PCGF1: variants seen among roughly 807,000 people sequenced by gnomAD.
The protein encoded by PCGF1 is polycomb group RING finger protein 1.
Under a neutral mutation model 38.8 loss-of-function variants are expected in PCGF1, and 10 were observed. That is an observed-to-expected ratio of 0.26 (90% CI 0.16 to 0.44). The LOEUF is 0.44. PCGF1 is among the 20% of genes least tolerant of loss of function. The pLI is 1.00. For missense variants in PCGF1, 230 were observed against 331.5 expected (o/e 0.69, Z 2.38); for synonymous variants, 119 against 121.3 (o/e 0.98, Z 0.12).
chr2:74,507,485 A>AT (rs1674669459), intron 1 of PCGF1, 91 bp downstream of exon 1: 1 of 1,519,844 alleles, frequency 6.6e-7, no homozygotes, highest in Admixed American at 2.0e-5. Context: ...GCGCAGGCGC[A>AT]CTGGGCGCCC....
In PCGF1 at chr2:74,507,142, C is replaced by T; in HGVS notation, c.99G>A (p.Glu33=). Reference sequence around the variant, plus strand: ...TCAAGTCTTTGATCTTCACTCGAACCTCCTCCTGAAGATACACCCTCCGTC... The same window carrying T: ...TCAAGTCTTTGATCTTCACTCGAACTTCCTCCTGAAGATACACCCTCCGTC... The part of the protein sequence containing the change: ...YKMDPLRNEE[E]VRVKIKDLNE... Residue 33 remains glutamate, a synonymous_variant, in exon 2 of 9, where the codon GAG becomes GAA. Coordinates refer to ENST00000233630, the MANE Select transcript of PCGF1 (RefSeq NM_032673.3). 1 of 1,613,988 alleles carries T rather than the reference C, an allele frequency of 6.2e-7. No individual in the cohort carries two copies. The highest frequency in any genetic ancestry group is 8.5e-7 in the Non-Finnish European group (1 of 1,179,844).
intron 1 of PCGF1, 142 bp downstream of exon 1, chr2:74,507,434 C>A: frequency 1.4e-6 from 2 of 1,465,792 alleles, no homozygotes; most frequent in Non-Finnish European, 1.8e-6. Context: ...AGTTTGGCAA[C>A]CCGATCGCAA....
Position 74,506,252 on chromosome 2 carries a change from C to A in PCGF1, c.353G>T (p.Ser118Ile). 1 of 1,613,928 alleles carries A rather than the reference C, an allele frequency of 6.2e-7. No homozygotes were observed. Residue 118 changes from serine to isoleucine, a missense_variant and splice_region_variant, in exon 4 of 9, where the codon AGT becomes ATT. By Grantham distance (142) the Ser-to-Ile change is moderately radical (BLOSUM62 -2). Transcript: ENST00000233630. ...VYKLVPGLQD[S>I]EEKRIREFYQ... ...GAATTCCCGAATCCGTTTCTCTTCA[C>A]CTAGAAGAAGGTGAAGTATGAGAAT...
intron 1 of PCGF1, 181 bp downstream of exon 1, chr2:74,507,395 G>T: frequency 6.9e-7 from 1 of 1,454,062 alleles, no homozygotes; most frequent in Non-Finnish European, 9.0e-7. Flanking sequence ...CACAACGTCG[G>T]CGACACAACG....
Position 74,505,312 on chromosome 2 carries a change from G to C in PCGF1, c.732+27C>G, listed in dbSNP as rs142233300. 2.3e-5 allele frequency: 36 copies of C among 1,595,638 alleles called. No homozygotes were observed. In the African/African-American group the frequency reaches 4.3e-4, roughly 19 times the overall value. ...GTTGGGGGGAGTCTGAAGGGGGTGT[G>C]ATCCCAGGGAGGGTGGCCTGGCTTA... On this transcript the variant is annotated intron_variant, in intron 8 of 8. Transcript: ENST00000233630.
chr2:74,506,071 G>A lies in PCGF1; in HGVS notation c.425-14C>T, dbSNP rs1558595260. 1 of 1,613,906 alleles carries A rather than the reference G, an allele frequency of 6.2e-7. No individual in the cohort carries two copies. The highest frequency in any genetic ancestry group is 2.2e-5 in the East Asian group (1 of 44,890). Reference sequence around the variant, plus strand: ...TCAGTGCTGGCTCTGAGAAAGATAGGGTAGTGAGGTGGCTGGTGGCACACA... The same window carrying A: ...TCAGTGCTGGCTCTGAGAAAGATAGAGTAGTGAGGTGGCTGGTGGCACACA... On this transcript the variant is annotated splice_polypyrimidine_tract_variant and intron_variant, in intron 4 of 8. Transcript: ENST00000233630.
In PCGF1 at chr2:74,507,028, T is replaced by C. The variant is rs769282648; in HGVS notation, c.199+14A>G. ...TAGGGACTGGAAGAACTAGGCAGTC[T>C]CCAAGGCACTCACAAGTATGAAGAC... On this transcript the variant is annotated intron_variant, in intron 2 of 8. Coordinates refer to ENST00000233630, the MANE Select transcript of PCGF1 (RefSeq NM_032673.3). The C allele has an allele frequency of 1.2e-6, 2 of 1,612,222 alleles. No homozygotes were observed. Among genetic ancestry groups the C allele is most frequent in the Non-Finnish European group, 1.7e-6 (2 of 1,178,278 alleles).
At position 74,505,603 on chromosome 2, in the gene PCGF1, T is replaced by C. The variant is rs750605286; in HGVS notation, c.600A>G (p.Val200=). ...KYVRCSVRAE[V]RHLRRVLCHR... is the part of the protein sequence containing the mutation. Reference sequence around the variant, plus strand: ...GACACAGGACCCTCCGGAGATGGCGTACCTCAGCTCTAACAGAACATCGGA... The same window carrying C: ...GACACAGGACCCTCCGGAGATGGCGCACCTCAGCTCTAACAGAACATCGGA... The change falls in exon 7 of 9, where the codon GTA becomes GTG. Residue 200 remains valine, a synonymous_variant. Coordinates refer to ENST00000233630, the MANE Select transcript of PCGF1 (RefSeq NM_032673.3). 2.5e-6 allele frequency: 4 copies of C among 1,614,064 alleles called. No homozygotes were observed. The highest frequency in any genetic ancestry group is 3.4e-6 in the Non-Finnish European group (4 of 1,179,994).
chr2:74,506,977 AAGCTGGCAGTC>A, intron 2 of PCGF1, 54 bp downstream of exon 2: 5 of 1,603,966 alleles, frequency 3.1e-6, no homozygotes, highest in Non-Finnish European at 4.3e-6. Context: ...GGCCGCACAG[AAGCTGGCAGTC>A]AGCTTGGTGA....
At chr2:74,507,514 C>G (rs1674670663) in intron 1 of PCGF1, 62 bp downstream of exon 1, 6 of 1,541,894 alleles carry the variant, frequency 3.9e-6, no homozygotes, top group Non-Finnish European at 5.2e-6. Flanking sequence ...ACCGCCCGTC[C>G]TTTAGCCCGC....
At position 74,507,130 on chromosome 2, in the gene PCGF1, C is replaced by T; in HGVS notation, c.111G>A (p.Lys37=). 6.2e-7 allele frequency: 1 copy of T among 1,614,230 alleles called. No individual in the cohort carries two copies. Among genetic ancestry groups the T allele is most frequent in the South Asian group, 1.1e-5 (1 of 91,088 alleles). ...PLRNEEEVRV[K]IKDLNEHIVC... ...CAATGTGTTCATTCAAGTCTTTGAT[C>T]TTCACTCGAACCTCCTCCTGAAGAT... The change falls in exon 2 of 9, where the codon AAG becomes AAA. Residue 37 remains lysine (K), a synonymous_variant. Coordinates refer to ENST00000233630, the MANE Select transcript of PCGF1 (RefSeq NM_032673.3).
intron 3 of PCGF1, 22 bp downstream of exon 3, chr2:74,506,710 C>A (rs373985062): frequency 6.2e-7 from 1 of 1,612,868 alleles, no homozygotes; most frequent in Non-Finnish European, 8.5e-7. Flanking sequence ...AGAGGCCCCT[C>A]AAAGTCAGGT....
In PCGF1 at chr2:74,506,040, G is replaced by C; in HGVS notation, c.442C>G (p.Leu148Val). The change falls in exon 5 of 9, where the codon CTC becomes GTC. Residue 148 changes from leucine (L) to valine (V), a missense_variant. By Grantham distance (32) the Leu-to-Val change is conservative. This residue lies in a region of PCGF1 where 144 missense variants were observed against 182.4 expected (regional missense o/e 0.79). Coordinates refer to ENST00000233630, the MANE Select transcript of PCGF1 (RefSeq NM_032673.3). ...PTGEEPALSN[L>V]GLPFSSFDHS... Reference sequence around the variant, plus strand: ...TCAAAGCTGCTGAAGGGGAGGCCGAGGTTGCTCAGTGCTGGCTCTGAGAAA... The same window carrying C: ...TCAAAGCTGCTGAAGGGGAGGCCGACGTTGCTCAGTGCTGGCTCTGAGAAA... 1 of 1,614,202 alleles carries C rather than the reference G, an allele frequency of 6.2e-7. No individual in the cohort carries two copies. The highest frequency in any genetic ancestry group is 8.5e-7 in the Non-Finnish European group (1 of 1,180,030).
At chr2:74,505,905 G>A (rs745541752) in intron 5 of PCGF1, 47 bp downstream of exon 5, 80 of 1,606,610 alleles carry the variant, frequency 5.0e-5, no homozygotes, top group Non-Finnish European at 6.7e-5. Context: ...CCCTGGCTCT[G>A]GGTCATTGGC....
Position 74,506,618 on chromosome 2 carries a change from C to T in PCGF1, c.352+114G>A, listed in dbSNP as rs557045030. 1.4e-5 allele frequency: 16 copies of T among 1,184,624 alleles called. No individual in the cohort carries two copies. In the African/African-American group the frequency reaches 1.8e-4, roughly 14 times the overall value. 73.4% of individuals were successfully genotyped at this position (1,184,624 alleles called of 1,614,324 possible). A position where few individuals can be genotyped will look rare whatever the true frequency, so the allele number is the denominator to read the frequency against. ...GTATTAGCCCTTCCTCACTTTTTGT[C>T]CTTCCCTCATCTTTGGCCTTCTGCC... On this transcript the variant is annotated intron_variant, in intron 3 of 8. Coordinates refer to ENST00000233630, the MANE Select transcript of PCGF1 (RefSeq NM_032673.3).
At position 74,505,182 on chromosome 2, in the gene PCGF1, A is replaced by G; in HGVS notation, c.741T>C (p.Pro247=). ...WLSRWFGKPS[P]LLLQYSVKEK... ...CTTTCACACTGTATTGTAAAAGCAA[A>G]GGGGATGGCTAAGGAGAGAATGAGG... Residue 247 remains proline, a synonymous_variant, in exon 9 of 9, where the codon CCT becomes CCC. Transcript: ENST00000233630. The G allele has an allele frequency of 6.4e-7, 1 of 1,551,078 alleles. No homozygotes were observed. Among genetic ancestry groups the G allele is most frequent in the Non-Finnish European group, 8.7e-7 (1 of 1,148,576 alleles).
chr2:74,505,922 ACCT>A (rs1356375339), intron 5 of PCGF1, 27 bp downstream of exon 5: 2 of 1,611,038 alleles, frequency 1.2e-6, no homozygotes, highest in Admixed American at 1.7e-5. Context: ...TGGCACTGTC[ACCT>A]CCTGCAACCC....
At chr2:74,505,452 C>G in intron 7 of PCGF1, 33 bp from the exon 8 acceptor site, 1 of 1,606,806 alleles carries the variant, frequency 6.2e-7, no homozygotes, top group Non-Finnish European at 8.5e-7. Flanking sequence ...ATTTTAGGAA[C>G]TTTCTGGCAG....
At chr2:74,507,235 A>T in intron 1 of PCGF1, 88 bp from the exon 2 acceptor site, 6 of 1,511,964 alleles carry the variant, frequency 4.0e-6, no homozygotes, top group Non-Finnish European at 5.4e-6. Context: ...CCTTCATCAC[A>T]CTAGACGGCC....
Sources: gnomAD v4.1 joint callset for allele counts on GRCh38, gnomAD v4.1.1 for gene constraint, gnomAD v4.1.1 regional missense constraint, MANE v1.5 for transcripts, NCBI Gene and HGNC (gene_info 2026-07-23, HGNC 2026-07-21) for gene names.